POLR1D: variants seen among roughly 807,000 people sequenced by gnomAD.
POLR1D encodes the protein DNA-directed RNA polymerases I and III subunit RPAC2.
POLR1D carries 8 observed loss-of-function variants against 10.8 expected under a neutral mutation model. That is an observed-to-expected ratio of 0.74 (90% confidence interval 0.43 to 1.33). POLR1D has a LOEUF of 1.33. Among genes scored for constraint, POLR1D ranks in the 40% most tolerant of loss-of-function variants. The pLI is 0.01. For synonymous variants in POLR1D, 54 were observed against 57.2 expected, an observed-to-expected ratio of 0.94 and a Z score of 0.25; for missense variants, 152 against 161.7, an observed-to-expected ratio of 0.94 and a Z score of 0.32.
At chr13:27,650,110 T>C (rs931754763) in intron 2 of POLR1D, 2 of 398,264 alleles carry the variant, frequency 5.0e-6, no homozygotes, top group African/African-American at 4.1e-5. Context: ...GCCACTGTTA[T>C]CCTCTGCTCC....
intron 1 of POLR1D, among the ~76,000 whole-genome samples, chr13:27,635,275 T>C (rs949397981): frequency 6.6e-6 from 1 of 152,212 alleles, no homozygotes; most frequent in Non-Finnish European, 1.5e-5. Flanking sequence ...ATATGTTCAT[T>C]TTAACTTTTT....
chr13:27,646,357 G>A (rs1956220390), intron 1 of POLR1D: 1 of 152,050 alleles, frequency 6.6e-6, no homozygotes, highest in Admixed American at 6.6e-5. Context: ...ACCTTATTAG[G>A]ATAAATTTTG....
At chr13:27,659,925 T>TATATATATATAC (rs528297415) in intron 2 of POLR1D, among the ~76,000 whole-genome samples, 2 of 149,492 alleles carry the variant, frequency 1.3e-5, no homozygotes, top group East Asian at 2.0e-4. Flanking sequence ...TATATATATA[T>TATATATATATAC]ACACACACAT....
At chr13:27,650,791 C>T (rs946313065) in intron 2 of POLR1D, 12 of 152,246 alleles carry the variant, frequency 7.9e-5, no homozygotes, top group African/African-American at 2.6e-4. Context: ...GATTAAAACA[C>T]CTAAAATATG....
chr13:27,636,635 A>G (rs1172816125), intron 1 of POLR1D, among the ~76,000 whole-genome samples: 2 of 152,216 alleles, frequency 1.3e-5, no homozygotes, highest in Admixed American at 6.5e-5. Flanking sequence ...TATGGTCCCA[A>G]GCATTTGTAC....
At chr13:27,628,180 T>C (rs979061075), downstream of POLR1D, among the ~76,000 whole-genome samples, 3 of 152,134 alleles carry the variant, frequency 2.0e-5, no homozygotes, top group African/African-American at 7.2e-5. Context: ...GATGTGAAAA[T>C]TGAGAGTTAA....
chr13:27,648,438 TG>T lies in POLR1D; in HGVS notation c.89del (p.Gly30AspfsTer6). On this transcript the variant is annotated frameshift_variant, in exon 2 of 3. Transcript: ENST00000399697. LOFTEE classifies it low-confidence loss of function (END_TRUNC). ...CGTGGGAAAACTAGAGCTGAAACAA[TG>T]GGACCCATGGGTTGGTAAGTTCTTT... The T allele has an allele frequency of 6.2e-7, 1 of 1,607,712 alleles. No individual in the cohort carries two copies. Among genetic ancestry groups the T allele is most frequent in the Non-Finnish European group, 8.5e-7 (1 of 1,174,842 alleles).
At chr13:27,648,301 A>G in intron 1 of POLR1D, 3 of 999,496 alleles carry the variant, frequency 3.0e-6, no homozygotes, top group Non-Finnish European at 4.7e-6. Flanking sequence ...CTTTCCCAAG[A>G]TCATGGACCT....
At chr13:27,645,703 C>T (rs542859058) in intron 1 of POLR1D, among the ~76,000 whole-genome samples, 1 of 152,232 alleles carries the variant, frequency 6.6e-6, no homozygotes, top group East Asian at 1.9e-4. Context: ...GGTAGACAAG[C>T]TGACTGAGTG....
At chr13:27,628,536 T>A (rs536500896) in intron 1 of POLR1D, among the ~76,000 whole-genome samples, 6 of 152,210 alleles carry the variant, frequency 3.9e-5, no homozygotes, top group Non-Finnish European at 8.8e-5. Flanking sequence ...TAAAAGAGAA[T>A]GAGCCCAGAA....
chr13:27,637,489 C>A (rs75106476), intron 1 of POLR1D, among the ~76,000 whole-genome samples: 1,647 of 152,258 alleles, frequency 0.011, 24 homozygotes, highest in African/African-American at 0.037. Context: ...GTTCAGTGGA[C>A]CATCTAAGTT....
intron 1 of POLR1D, among the ~76,000 whole-genome samples, chr13:27,635,184 C>G (rs570833219): frequency 6.6e-4 from 100 of 152,124 alleles, no homozygotes; most frequent in African/African-American, 2.0e-3. Context: ...GTTAAGAACC[C>G]AAATAAAGGT....
At chr13:27,643,440 T>C (rs1956193194) in intron 1 of POLR1D, among the ~76,000 whole-genome samples, 1 of 152,212 alleles carries the variant, frequency 6.6e-6, no homozygotes, top group Non-Finnish European at 1.5e-5. Context: ...AGGATATTTC[T>C]GAATTTTTGC....
At chr13:27,634,387 G>A (rs983139578) in intron 1 of POLR1D, among the ~76,000 whole-genome samples, 14 of 152,110 alleles carry the variant, frequency 9.2e-5, no homozygotes, top group Non-Finnish European at 2.1e-4. Context: ...GGTCCCCATC[G>A]GAGAGCAATG....
At chr13:27,652,018 G>A (rs1164987933) in intron 2 of POLR1D, among the ~76,000 whole-genome samples, 4 of 152,202 alleles carry the variant, frequency 2.6e-5, no homozygotes, top group African/African-American at 9.7e-5. Context: ...AGTCAGATTA[G>A]TATAAACTAT....
intron 1 of POLR1D, among the ~76,000 whole-genome samples, chr13:27,641,066 T>TA (rs1956168794): frequency 6.6e-6 from 1 of 152,118 alleles, no homozygotes; most frequent in Non-Finnish European, 1.5e-5. Flanking sequence ...TTTGCTTCTT[T>TA]AAAAAAAATT....
At chr13:27,645,264 TC>T (rs961117417) in intron 1 of POLR1D, among the ~76,000 whole-genome samples, 2 of 152,152 alleles carry the variant, frequency 1.3e-5, no homozygotes, top group African/African-American at 4.8e-5. Flanking sequence ...GCCTTTTTTT[TC>T]CCCATTTAGT....
chr13:27,633,074 A>G (rs1956089610), intron 1 of POLR1D, among the ~76,000 whole-genome samples: 2 of 152,140 alleles, frequency 1.3e-5, no homozygotes, highest in Admixed American at 6.6e-5. Flanking sequence ...GTCCAGGAGG[A>G]GTCAGACCTA....
At chr13:27,652,074 T>A (rs1956271694) in intron 2 of POLR1D, among the ~76,000 whole-genome samples, 1 of 152,240 alleles carries the variant, frequency 6.6e-6, no homozygotes, top group Non-Finnish European at 1.5e-5. Flanking sequence ...TGTACCTTCA[T>A]CAGGCTGTCA....
Sources: allele counts gnomAD v4.1 joint callset (sites outside exome capture counted in the v4.1 genomes callset), GRCh38; gene constraint gnomAD v4.1.1; transcripts MANE v1.5; gene names NCBI Gene and HGNC (gene_info 2026-07-23, HGNC 2026-07-21).